The following ZNF831 variants were observed in gnomAD, a reference collection of about 807,000 sequenced individuals.
The protein encoded by ZNF831 is zinc finger protein 831.
A neutral mutation model predicts 95.8 loss-of-function variants in ZNF831; 59 were observed. That is an observed-to-expected ratio of 0.62 (90% CI 0.50 to 0.77). The LOEUF is 0.77. Ranked by LOEUF, ZNF831 falls within the 30% of genes least tolerant of loss-of-function variation. ZNF831 has a pLI of 0.00. For synonymous variants in ZNF831, 961 were observed against 925.5 expected (o/e 1.04, Z -0.70); for missense variants, 2,205 against 2,164.0 (o/e 1.02, Z -0.38).
intron 2 of ZNF831, among the ~76,000 whole-genome samples, chr20:59,158,801 A>T (rs1017027629): frequency 6.6e-6 from 1 of 152,176 alleles, no homozygotes; most frequent in African/African-American, 2.4e-5. Context: ...GAAAAGCTGC[A>T]CAGTTAGCAC....
At chr20:59,140,516 T>G (rs992844810) in intron 1 of ZNF831, among the ~76,000 whole-genome samples, 1 of 152,168 alleles carries the variant, frequency 6.6e-6, no homozygotes, top group African/African-American at 2.4e-5. Flanking sequence ...ATTTCTGAAG[T>G]CTTTTATTTT....
intron 4 of ZNF831, among the ~76,000 whole-genome samples, chr20:59,225,155 G>C (rs1397966184): frequency 6.6e-6 from 1 of 152,060 alleles, no homozygotes; most frequent in Non-Finnish European, 1.5e-5. Flanking sequence ...CTTAAGAAAT[G>C]GGGAACATTT....
chr20:59,198,193 C>T (rs931666085), intron 3 of ZNF831, among the ~76,000 whole-genome samples: 1 of 152,212 alleles, frequency 6.6e-6, no homozygotes, highest in African/African-American at 2.4e-5. Context: ...CACTCCAGGA[C>T]ACCTTGCAAA....
intron 1 of ZNF831, among the ~76,000 whole-genome samples, chr20:59,141,034 G>C (rs973612320): frequency 6.6e-6 from 1 of 152,162 alleles, no homozygotes; most frequent in Admixed American, 6.5e-5. Flanking sequence ...CGAGTAGCTA[G>C]GATTATAGGT....
chr20:59,253,953 C>T lies in ZNF831; in HGVS notation c.4244C>T (p.Ala1415Val), dbSNP rs2146761674. The T allele has an allele frequency of 6.3e-7, 1 of 1,579,884 alleles. No homozygotes were observed. Residue 1415 changes from alanine (A) to valine (V), a missense_variant, in exon 6 of 6, where the codon GCC becomes GTC. Physicochemically the swap from Ala to Val is moderately conservative, Grantham distance 64. Coordinates refer to ENST00000371030, the MANE Select transcript of ZNF831 (RefSeq NM_178457.3). ...GACTGTACTACTCACAGCACTGCTGCCACATCAGGATTATCTCTGCAATCT... is the reference window on the plus strand; with the variant it reads ...GACTGTACTACTCACAGCACTGCTGTCACATCAGGATTATCTCTGCAATCT... Reference protein sequence around the residue: ...HGDCTTHSTAATSGLSLQSDT... With the variant: ...HGDCTTHSTAVTSGLSLQSDT...
rs150212573 is a variant in ZNF831 at position 59,194,391 on chromosome 20, G to A, written c.3372G>A (p.Pro1124=). ...CAGGGCCCCTGGTGGGCCCCGACCC[G>A]TGTTCCCCCCTCCAGCCTGGCTCCT... is the stretch of plus-strand genomic sequence containing the variant. ...PSSGPLVGPD[P]CSPLQPGSFL... is the part of the protein sequence containing the mutation. Residue 1124 remains proline, a synonymous_variant, in exon 2 of 6, where the codon CCG becomes CCA. Coordinates refer to ENST00000371030, the MANE Select transcript of ZNF831 (RefSeq NM_178457.3). 3.9e-4 allele frequency: 620 copies of A among 1,609,900 alleles called. 1 individual carries two copies. In the East Asian group the frequency reaches 7.2e-3, roughly 19 times the overall value.
chr20:59,128,489 G>A (rs149598926), intron 1 of ZNF831, among the ~76,000 whole-genome samples: 1 of 152,336 alleles, frequency 6.6e-6, no homozygotes, highest in East Asian at 1.9e-4. Flanking sequence ...GGAGACCTGG[G>A]GGACAGTGCC....
At chr20:59,253,860 C>CCG (rs1555837583) in intron 5 of ZNF831, 38 bp from the exon 6 acceptor site, 1 of 904,362 alleles carries the variant, frequency 1.1e-6, no homozygotes, top group South Asian at 1.9e-5. Context: ...CAATTAACCT[C>CCG]CCCCCCCACT....
At chr20:59,204,472 T>C (rs556914836) in intron 3 of ZNF831, among the ~76,000 whole-genome samples, 3 of 152,160 alleles carry the variant, frequency 2.0e-5, no homozygotes, top group African/African-American at 7.2e-5. Flanking sequence ...CAGTCCCAGG[T>C]CCTGCTTAGC....
chr20:59,200,501 A>C (rs1984450934), intron 3 of ZNF831, among the ~76,000 whole-genome samples: 1 of 152,214 alleles, frequency 6.6e-6, no homozygotes. Flanking sequence ...TAAATTGCAC[A>C]TATTTAAAAC....
intron 1 of ZNF831, among the ~76,000 whole-genome samples, chr20:59,188,129 G>C (rs1272145811): frequency 6.6e-6 from 1 of 152,166 alleles, no homozygotes; most frequent in Admixed American, 6.5e-5. Context: ...ATTTTTGTTT[G>C]AATACCTGTT....
chr20:59,166,401 G>A (rs1403240114), intron 1 of ZNF831, among the ~76,000 whole-genome samples: 1 of 152,188 alleles, frequency 6.6e-6, no homozygotes, highest in East Asian at 1.9e-4. Flanking sequence ...TTCACCTGCA[G>A]TTGTAAGAAA....
chr20:59,225,080 C>T (rs1986344150), intron 4 of ZNF831, among the ~76,000 whole-genome samples: 2 of 151,594 alleles, frequency 1.3e-5, no homozygotes, highest in African/African-American at 2.4e-5. Flanking sequence ...TGTTTAATTT[C>T]AATTAATCTG....
intron 4 of ZNF831, among the ~76,000 whole-genome samples, chr20:59,210,801 C>T (rs2146646980): frequency 6.6e-6 from 1 of 152,300 alleles, no homozygotes; most frequent in African/African-American, 2.4e-5. Flanking sequence ...TTTCTTCACA[C>T]CTAAATCCCA....
At position 59,256,369 on chromosome 20, in the gene ZNF831, T is replaced by G. The variant is rs1455731637; in HGVS notation, c.*1626T>G. ...GCCAAGAAAAACATAAGAAGGGAGG[T>G]AAAAAGGATGTTGGACATTGACTTA... On this transcript the variant is annotated 3_prime_UTR_variant, in exon 6 of 6. Coordinates refer to ENST00000371030, the MANE Select transcript of ZNF831 (RefSeq NM_178457.3). 6.6e-6 allele frequency: 1 copy of G among 152,022 alleles called. No homozygotes were observed. The highest frequency in any genetic ancestry group is 6.5e-5 in the Admixed American group (1 of 15,268). The allele number at this position is 152,022 out of a possible 1,614,324, so 9.4% of individuals were successfully genotyped here. A position where few individuals can be genotyped will look rare whatever the true frequency, so the allele number is the denominator to read the frequency against.
In ZNF831 at chr20:59,208,667, T is replaced by C. The variant is rs1236609317; in HGVS notation, c.4027+1611T>C. Among the ~76,000 whole-genome samples, 1 of 152,182 alleles carries C rather than the reference T, an allele frequency of 6.6e-6. No individual in the cohort carries two copies. The highest frequency in any genetic ancestry group is 1.5e-5 in the Non-Finnish European group (1 of 68,024). On this transcript the variant is annotated intron_variant, in intron 4 of 5. Transcript: ENST00000371030. The surrounding 1 kb of genome is among the most constrained non-coding windows in gnomAD (Gnocchi z 4.2). ...AGTGAGCCTCGGGGGTCATGGTACT[T>C]GCTGGCTGACTCCTCGTTCCCTGTT...
intron 1 of ZNF831, among the ~76,000 whole-genome samples, chr20:59,177,564 A>ATACTG: frequency 6.6e-6 from 1 of 152,350 alleles, no homozygotes; most frequent in African/African-American, 2.4e-5. Context: ...AACTAGGACG[A>ATACTG]GTTGGTATAC....
At chr20:59,167,428 C>CA (rs11477789) in intron 1 of ZNF831, among the ~76,000 whole-genome samples, 187 of 139,408 alleles carry the variant, frequency 1.3e-3, no homozygotes, top group South Asian at 2.8e-3. Flanking sequence ...TTGCACAGAG[C>CA]AAAAAAAAAA....
chr20:59,227,669 A>G (rs533669405), intron 4 of ZNF831, among the ~76,000 whole-genome samples: 13 of 152,344 alleles, frequency 8.5e-5, no homozygotes, highest in Admixed American at 6.5e-5. Context: ...TTCCTCATCC[A>G]TATTATAATT....
Sources: gnomAD v4.1 joint callset for allele counts (sites outside exome capture counted in the v4.1 genomes callset) on GRCh38, gnomAD v4.1.1 for gene constraint, Gnocchi (gnomAD v3.1) non-coding constraint, MANE v1.5 for transcripts, NCBI Gene and HGNC (gene_info 2026-07-23, HGNC 2026-07-21) for gene names.